SRBD1: variants seen among roughly 807,000 people sequenced by gnomAD.
The protein encoded by SRBD1 is S1 RNA binding domain 1.
A neutral mutation model predicts 115.3 loss-of-function variants in SRBD1; 88 were observed. That is an observed-to-expected ratio of 0.76 (90% CI 0.64 to 0.91). SRBD1 has a LOEUF of 0.91. SRBD1 is among the 40% of genes least tolerant of loss of function. The pLI is 0.00. For synonymous variants in SRBD1, 509 were observed against 407.7 expected, an observed-to-expected ratio of 1.25 and a Z score of -2.99; for missense variants, 1,385 against 1,177.4, an observed-to-expected ratio of 1.18 and a Z score of -2.58.
At chr2:45,432,018 T>TTTATTTATTTAC (rs1668354260) in intron 16 of SRBD1, among the ~76,000 whole-genome samples, 2 of 147,776 alleles carry the variant, frequency 1.4e-5, no homozygotes, top group Admixed American at 6.7e-5. Flanking sequence ...TATTTATTTA[T>TTTATTTATTTAC]TTATTTATTT....
At chr2:45,541,122 G>C (rs572240310) in intron 14 of SRBD1, among the ~76,000 whole-genome samples, 1 of 152,216 alleles carries the variant, frequency 6.6e-6, no homozygotes, top group Non-Finnish European at 1.5e-5. Flanking sequence ...GTGAGCACAG[G>C]GTCCGGCCAC....
intron 7 of SRBD1, among the ~76,000 whole-genome samples, chr2:45,577,165 A>C (rs925002600): frequency 3.3e-5 from 5 of 152,188 alleles, no homozygotes; most frequent in African/African-American, 1.2e-4. Flanking sequence ...GGAGATAGAA[A>C]TTATCAGAAT....
chr2:45,501,420 T>C (rs1487203182), intron 14 of SRBD1, among the ~76,000 whole-genome samples: 1 of 152,172 alleles, frequency 6.6e-6, no homozygotes, highest in Non-Finnish European at 1.5e-5. Context: ...ACTGAGGTAC[T>C]GGGTTCATCT....
At chr2:45,603,081 G>C (rs1674150492) in intron 2 of SRBD1, among the ~76,000 whole-genome samples, 2 of 152,164 alleles carry the variant, frequency 1.3e-5, no homozygotes, top group East Asian at 3.9e-4. Context: ...AGAAAACTAG[G>C]GTTCCACTCC....
intron 14 of SRBD1, among the ~76,000 whole-genome samples, chr2:45,501,978 G>C (rs1670645317): frequency 6.6e-6 from 1 of 152,182 alleles, no homozygotes; most frequent in Non-Finnish European, 1.5e-5. Flanking sequence ...TCTGAGAACG[G>C]ACAGACTGCC....
intron 16 of SRBD1, among the ~76,000 whole-genome samples, chr2:45,462,690 G>T (rs930764316): frequency 2.6e-5 from 4 of 151,698 alleles, no homozygotes; most frequent in African/African-American, 9.7e-5. Flanking sequence ...GCCAGGCGTG[G>T]TGTCGGGCAC....
chr2:45,481,305 G>A (rs60087295), intron 15 of SRBD1, among the ~76,000 whole-genome samples: 1,894 of 152,182 alleles, frequency 0.012, 30 homozygotes, highest in African/African-American at 0.043. Context: ...TCAAGAATGC[G>A]TTATTTAGTG....
intron 16 of SRBD1, among the ~76,000 whole-genome samples, chr2:45,435,576 A>C (rs1258641072): frequency 2.7e-5 from 4 of 150,310 alleles, no homozygotes; most frequent in African/African-American, 4.9e-5. Flanking sequence ...AAAAAAACAA[A>C]AAAAAAAAAC....
intron 6 of SRBD1, among the ~76,000 whole-genome samples, chr2:45,581,480 G>A (rs1673361200): frequency 6.6e-6 from 1 of 151,980 alleles, no homozygotes; most frequent in African/African-American, 2.4e-5. Flanking sequence ...TTGAGACAAA[G>A]ACTATGTATT....
At chr2:45,402,959 T>G (rs1667330769) in intron 19 of SRBD1, among the ~76,000 whole-genome samples, 1 of 152,158 alleles carries the variant, frequency 6.6e-6, no homozygotes, top group Non-Finnish European at 1.5e-5. Context: ...ATAGGCTGTT[T>G]CTGGGTCTCA....
At chr2:45,549,595 A>T (rs1672230709) in intron 12 of SRBD1, among the ~76,000 whole-genome samples, 1 of 151,220 alleles carries the variant, frequency 6.6e-6, no homozygotes, top group African/African-American at 2.4e-5. Flanking sequence ...TCATGCTGGT[A>T]ATCCCAGCAC....
At chr2:45,448,391 C>T (rs1300085650) in intron 16 of SRBD1, among the ~76,000 whole-genome samples, 1 of 152,114 alleles carries the variant, frequency 6.6e-6, no homozygotes, top group African/African-American at 2.4e-5. Flanking sequence ...TGACCATTAC[C>T]ATATGCTGAG....
chr2:45,574,753 A>G, intron 7 of SRBD1, 30 bp from the exon 8 acceptor site: 1 of 1,558,174 alleles, frequency 6.4e-7, no homozygotes, highest in Non-Finnish European at 8.7e-7. Context: ...AGGAAAACAA[A>G]AACAAAAAGT....
intron 9 of SRBD1, among the ~76,000 whole-genome samples, chr2:45,564,627 T>C (rs977931130): frequency 1.3e-5 from 2 of 152,224 alleles, no homozygotes; most frequent in African/African-American, 4.8e-5. Flanking sequence ...TAATTTTTTT[T>C]AATTCCATTT....
chr2:45,508,363 G>C (rs1260173040), intron 14 of SRBD1, among the ~76,000 whole-genome samples: 1 of 152,148 alleles, frequency 6.6e-6, no homozygotes. Context: ...ACCTCTAACA[G>C]AAACTATACA....
Position 45,579,961 on chromosome 2 carries a change from T to C in SRBD1, c.986A>G (p.Gln329Arg), listed in dbSNP as rs1356016446. 6.2e-7 allele frequency: 1 copy of C among 1,607,302 alleles called. No individual in the cohort carries two copies. The highest frequency in any genetic ancestry group is 8.5e-7 in the Non-Finnish European group (1 of 1,176,910). ...CCTGGCTGCTCCTTCTAAGCCCAAC[T>C]GTCTTGCTCTCTGGGCTTTAGTCCC... is the stretch of plus-strand genomic sequence containing the variant. Reference protein sequence around the residue: ...SKGTKAQRARQLGLEGAARAL... With the variant: ...SKGTKAQRARRLGLEGAARAL... The change falls in exon 7 of 21, where the codon CAG becomes CGG. Residue 329 changes from glutamine to arginine, a missense_variant. Transcript: ENST00000263736.
At chr2:45,552,716 T>C (rs1291936430) in intron 11 of SRBD1, among the ~76,000 whole-genome samples, 1 of 152,210 alleles carries the variant, frequency 6.6e-6, no homozygotes, top group East Asian at 1.9e-4. Context: ...AGGAACAATA[T>C]TTTTAGGCTA....
intron 16 of SRBD1, among the ~76,000 whole-genome samples, chr2:45,461,520 T>C (rs1247844374): frequency 6.6e-6 from 1 of 152,204 alleles, no homozygotes; most frequent in Non-Finnish European, 1.5e-5. Flanking sequence ...AAGTGCTTTC[T>C]ATATACTGCA....
chr2:45,507,475 T>C (rs1670831927), intron 14 of SRBD1, among the ~76,000 whole-genome samples: 1 of 152,122 alleles, frequency 6.6e-6, no homozygotes, highest in African/African-American at 2.4e-5. Context: ...CCTTGTACTT[T>C]GGGAGGCTGA....
Sources: gnomAD v4.1 joint callset for allele counts (sites outside exome capture counted in the v4.1 genomes callset) on GRCh38, gnomAD v4.1.1 for gene constraint, MANE v1.5 for transcripts, NCBI Gene and HGNC (gene_info 2026-07-23, HGNC 2026-07-21) for gene names.